The following MYO3B variants were observed in gnomAD, a reference collection of about 807,000 sequenced individuals.
MYO3B encodes myosin IIIB, also known as myosin-IIIb.
Under a neutral mutation model 174.6 loss-of-function variants are expected in MYO3B, and 156 were observed. The ratio of observed to expected loss-of-function variants is 0.89; its 90% confidence interval spans 0.78 to 1.02. The LOEUF is 1.02. MYO3B is among the 50% of genes least tolerant of loss of function. MYO3B has a pLI of 0.00. For missense variants in MYO3B, 1,632 were observed against 1,639.4 expected (o/e 1.00, Z 0.08); for synonymous variants, 563 against 569.1 (o/e 0.99, Z 0.15).
chr2:170,484,082 G>T (rs555246973), intron 25 of MYO3B, among the ~76,000 whole-genome samples: 1 of 152,312 alleles, frequency 6.6e-6, no homozygotes, highest in Admixed American at 6.5e-5. Context: ...TGTTTGGGTA[G>T]GAGAAGAGAA....
Position 170,300,732 on chromosome 2 carries a change from C to G in MYO3B, c.750-34653C>G, listed in dbSNP as rs117812486. Among the ~76,000 whole-genome samples the G allele has an allele frequency of 4.9e-3, 746 of 152,344 alleles. 8 individuals are homozygous for G. The highest frequency in any genetic ancestry group is 0.039 in the East Asian group (202 of 5,192). On this transcript the variant is annotated intron_variant, in intron 7 of 34. Coordinates refer to ENST00000408978, the MANE Select transcript of MYO3B (RefSeq NM_138995.5). ...TCACCTTGGCACATCCAGTCTGCAA[C>G]CAGCTTCAAGTGCTCATGAAACAGA...
chr2:170,180,095 A>G (rs1267050223), intron 1 of MYO3B: 4 of 383,342 alleles, frequency 1.0e-5, no homozygotes, highest in South Asian at 1.8e-5. Flanking sequence ...TTGCTGGGCA[A>G]GTTTCTATTT....
chr2:170,367,036 G>T (rs2094204242), intron 8 of MYO3B, among the ~76,000 whole-genome samples: 1 of 151,800 alleles, frequency 6.6e-6, no homozygotes, highest in South Asian at 2.1e-4. Flanking sequence ...TAGAGAGGCA[G>T]CTCCAGCTCA....
At chr2:170,330,988 C>T (rs549335751) in intron 7 of MYO3B, among the ~76,000 whole-genome samples, 109 of 152,202 alleles carry the variant, frequency 7.2e-4, no homozygotes, top group African/African-American at 2.4e-3. Context: ...AAAAATTTAC[C>T]GAGTATTTCT....
intron 32 of MYO3B, among the ~76,000 whole-genome samples, chr2:170,621,249 A>G (rs1296912322): frequency 6.6e-6 from 1 of 152,108 alleles, no homozygotes; most frequent in Non-Finnish European, 1.5e-5. Flanking sequence ...ATGTATAGAA[A>G]CACTTGGAGA....
intron 7 of MYO3B, among the ~76,000 whole-genome samples, chr2:170,244,654 C>T (rs1411736990): frequency 1.3e-5 from 2 of 152,142 alleles, no homozygotes; most frequent in African/African-American, 4.8e-5. Context: ...GCTTGACTTT[C>T]GCCTTGGGAT....
chr2:170,358,526 G>A (rs1354250827), intron 8 of MYO3B, among the ~76,000 whole-genome samples: 2 of 152,100 alleles, frequency 1.3e-5, no homozygotes, highest in Non-Finnish European at 2.9e-5. Flanking sequence ...GCACAACTGT[G>A]TGAATATATT....
At chr2:170,628,323 C>T (rs931395909) in intron 32 of MYO3B, among the ~76,000 whole-genome samples, 4 of 152,228 alleles carry the variant, frequency 2.6e-5, no homozygotes, top group African/African-American at 4.8e-5. Context: ...AGCGAGGCTC[C>T]GTGGGCATGG....
In MYO3B at chr2:170,501,990, C is replaced by T. The variant is rs773262685; in HGVS notation, c.3370+125C>T. On this transcript the variant is annotated intron_variant, in intron 28 of 34. Coordinates refer to ENST00000408978, the MANE Select transcript of MYO3B (RefSeq NM_138995.5). Reference sequence around the variant, plus strand: ...GGAATGAGTCAAGAGTTCTGGGAGACAGGAGTCCTAGTGTTCTGACCCTCC... The same window carrying T: ...GGAATGAGTCAAGAGTTCTGGGAGATAGGAGTCCTAGTGTTCTGACCCTCC... 8 of 649,728 alleles carry T rather than the reference C, an allele frequency of 1.2e-5. No homozygotes were observed. The Admixed American group carries it at 1.8e-4, about 14-fold the overall frequency. The allele number at this position is 649,728 out of a possible 1,614,324, so 40.2% of individuals were successfully genotyped here. A position where few individuals can be genotyped will look rare whatever the true frequency, so the allele number is the denominator to read the frequency against.
chr2:170,230,628 C>CAA (rs142622973), intron 6 of MYO3B, among the ~76,000 whole-genome samples: 1 of 151,666 alleles, frequency 6.6e-6, no homozygotes, highest in African/African-American at 2.4e-5. Flanking sequence ...ATTTTCAAGA[C>CAA]AAAAAAACAT....
At chr2:170,426,357 A>G (rs1457938346) in intron 22 of MYO3B, among the ~76,000 whole-genome samples, 3 of 140,138 alleles carry the variant, frequency 2.1e-5, no homozygotes, top group Non-Finnish European at 3.1e-5. Context: ...TTTTTTTGAG[A>G]TGGAGTCTCT....
chr2:170,250,270 T>G (rs75117903), intron 7 of MYO3B, among the ~76,000 whole-genome samples: 4,835 of 152,336 alleles, frequency 0.032, 97 homozygotes, highest in Middle Eastern at 0.044. Context: ...CATTTTAAAA[T>G]TTAGTAGCAC....
In MYO3B at chr2:170,188,704, A is replaced by G. The variant is rs182228635; in HGVS notation, c.2+10415A>G. Among the ~76,000 whole-genome samples the G allele has an allele frequency of 8.5e-5, 13 of 152,284 alleles. No individual in the cohort carries two copies. In the East Asian group the frequency reaches 2.5e-3, roughly 29 times the overall value. On this transcript the variant is annotated intron_variant, in intron 1 of 34. Coordinates refer to ENST00000408978, the MANE Select transcript of MYO3B (RefSeq NM_138995.5). ...CCATTATTTTATTAATAAACTAATG[A>G]TAACTGATTTCATAAGCAAACAGGC... is the stretch of plus-strand genomic sequence containing the variant.
intron 3 of MYO3B, among the ~76,000 whole-genome samples, chr2:170,211,721 A>G (rs75833931): frequency 6.6e-6 from 1 of 152,124 alleles, no homozygotes; most frequent in Admixed American, 6.5e-5. Context: ...GAAATGAAAA[A>G]CAAAAAGCAT....
At chr2:170,503,550 C>T (rs1000665258) in intron 28 of MYO3B, among the ~76,000 whole-genome samples, 1 of 150,462 alleles carries the variant, frequency 6.6e-6, no homozygotes, top group African/African-American at 2.4e-5. Context: ...CTTGCAAGCA[C>T]CCAGCAGGAC....
chr2:170,305,248 A>G (rs1461774232), intron 7 of MYO3B, among the ~76,000 whole-genome samples: 3 of 152,118 alleles, frequency 2.0e-5, no homozygotes, highest in Non-Finnish European at 4.4e-5. Flanking sequence ...GATTTGGAGT[A>G]TCTATCCTAC....
At chr2:170,554,210 T>C (rs1053442146) in intron 32 of MYO3B, among the ~76,000 whole-genome samples, 2 of 152,214 alleles carry the variant, frequency 1.3e-5, no homozygotes, top group Admixed American at 6.5e-5. Flanking sequence ...GCTTTGGACA[T>C]CAGTTATAGT....
At chr2:170,525,285 A>G (rs972179808) in intron 30 of MYO3B, among the ~76,000 whole-genome samples, 3 of 152,292 alleles carry the variant, frequency 2.0e-5, no homozygotes, top group South Asian at 2.1e-4. Context: ...TTCACTTCCT[A>G]TGTGAGCCTG....
intron 23 of MYO3B, among the ~76,000 whole-genome samples, chr2:170,451,784 G>T (rs1035473750): frequency 6.6e-6 from 1 of 152,154 alleles, no homozygotes; most frequent in Non-Finnish European, 1.5e-5. Flanking sequence ...GCCCTTGGAG[G>T]AATAGGGTGA....
Sources: allele counts gnomAD v4.1 joint callset (sites outside exome capture counted in the v4.1 genomes callset), GRCh38; gene constraint gnomAD v4.1.1; transcripts MANE v1.5; gene names NCBI Gene and HGNC (gene_info 2026-07-23, HGNC 2026-07-21).